Variants in TTC28 observed in about 807,000 individuals in gnomAD.
TTC28 encodes the protein tetratricopeptide repeat protein 28.
In TTC28, 61 loss-of-function variants were observed where a neutral mutation model predicts 198.0. That is an observed-to-expected ratio of 0.31 (90% CI 0.25 to 0.38). TTC28 has a LOEUF of 0.38. Among genes scored for constraint, TTC28 ranks in the 10% least tolerant of loss-of-function variants. The probability of loss-of-function intolerance (pLI) is 1.00; values close to 1 mark genes in which losing one functional copy is unlikely to be tolerated. For synonymous variants in TTC28, 1,171 were observed against 1,297.8 expected, an observed-to-expected ratio of 0.90 and a Z score of 2.10; for missense variants, 2,678 against 3,164.0, an observed-to-expected ratio of 0.85 and a Z score of 3.69.
At chr22:28,475,149 C>CA (rs386395148) in intron 2 of TTC28, among the ~76,000 whole-genome samples, 2,408 of 64,694 alleles carry the variant, frequency 0.037, 111 homozygotes, top group African/African-American at 0.054. Context: ...GACTCCATCT[C>CA]AAAAAAAAAA....
At chr22:28,136,992 C>A (rs944344902) in intron 6 of TTC28, among the ~76,000 whole-genome samples, 3 of 152,154 alleles carry the variant, frequency 2.0e-5, no homozygotes, top group Admixed American at 1.3e-4. Context: ...CTACTTTTCT[C>A]CTCACTCCTC....
intron 2 of TTC28, among the ~76,000 whole-genome samples, chr22:28,590,748 C>A (rs1330017031): frequency 6.6e-6 from 1 of 151,172 alleles, no homozygotes; most frequent in Non-Finnish European, 1.5e-5. Flanking sequence ...GTGGCTCGAG[C>A]CTATAATCCC....
chr22:28,543,884 T>A (rs1487896506), intron 2 of TTC28, among the ~76,000 whole-genome samples: 1 of 152,042 alleles, frequency 6.6e-6, no homozygotes, highest in African/African-American at 2.4e-5. Flanking sequence ...TCTAAAAAAA[T>A]AATAATACAC....
intron 12 of TTC28, among the ~76,000 whole-genome samples, chr22:28,063,825 G>A (rs188535390): frequency 3.3e-5 from 5 of 152,156 alleles, no homozygotes; most frequent in Admixed American, 1.3e-4. Flanking sequence ...AAGCCACGAG[G>A]TAGGCGTGTG....
At chr22:28,525,550 C>T (rs2048990038) in intron 2 of TTC28, among the ~76,000 whole-genome samples, 1 of 152,178 alleles carries the variant, frequency 6.6e-6, no homozygotes, top group Non-Finnish European at 1.5e-5. Flanking sequence ...ATTAAGATCA[C>T]TCTAGGGAAA....
chr22:28,661,929 G>A (rs574576142), intron 1 of TTC28, among the ~76,000 whole-genome samples: 1 of 151,584 alleles, frequency 6.6e-6, no homozygotes. Context: ...TTTAGAGACT[G>A]GGTCTCACAC....
intron 2 of TTC28, among the ~76,000 whole-genome samples, chr22:28,314,975 T>C (rs1157853848): frequency 6.6e-6 from 1 of 152,194 alleles, no homozygotes; most frequent in Non-Finnish European, 1.5e-5. Flanking sequence ...TTGTTTGCAA[T>C]ACAGTGTTTT....
intron 13 of TTC28, 64 bp downstream of exon 13, chr22:28,030,162 C>T: frequency 6.5e-7 from 1 of 1,532,124 alleles, no homozygotes; most frequent in Non-Finnish European, 8.8e-7. Flanking sequence ...CCACTGAAAG[C>T]ATATTATCTG....
chr22:28,459,265 C>A (rs1017792768), intron 2 of TTC28, among the ~76,000 whole-genome samples: 3 of 151,898 alleles, frequency 2.0e-5, no homozygotes, highest in African/African-American at 7.2e-5. Flanking sequence ...AGTCTCTACC[C>A]AACAAAATAC....
chr22:27,988,642 T>C (rs569251279), intron 21 of TTC28, among the ~76,000 whole-genome samples: 1 of 152,270 alleles, frequency 6.6e-6, no homozygotes, highest in Admixed American at 6.5e-5. Context: ...AGCTCATCCA[T>C]GTAACAGTGA....
chr22:28,212,525 A>G (rs1191367121), intron 5 of TTC28, among the ~76,000 whole-genome samples: 1 of 132,482 alleles, frequency 7.5e-6, no homozygotes, highest in Middle Eastern at 3.7e-3. Flanking sequence ...TAGAAAATCT[A>G]GAAGAAATGG....
intron 5 of TTC28, among the ~76,000 whole-genome samples, chr22:28,276,840 T>C (rs772836491): frequency 6.6e-6 from 1 of 152,184 alleles, no homozygotes; most frequent in Admixed American, 6.5e-5. Context: ...CTGATCAACA[T>C]AGTTAACTCC....
intron 6 of TTC28, among the ~76,000 whole-genome samples, chr22:28,109,149 A>T (rs1455445647): frequency 2.6e-5 from 4 of 152,264 alleles, no homozygotes; most frequent in African/African-American, 9.6e-5. Context: ...CAATACACGT[A>T]ACAACCTTCA....
intron 2 of TTC28, among the ~76,000 whole-genome samples, chr22:28,388,086 G>A (rs920933635): frequency 2.0e-4 from 31 of 152,198 alleles, no homozygotes; most frequent in African/African-American, 5.3e-4. Context: ...TCCAAGCACC[G>A]GTTATTAAAT....
intron 2 of TTC28, among the ~76,000 whole-genome samples, chr22:28,388,990 G>C (rs895759827): frequency 2.3e-4 from 35 of 152,042 alleles, no homozygotes; most frequent in African/African-American, 8.5e-4. Flanking sequence ...GTCATAGATA[G>C]CTCTTATTAT....
chr22:28,385,863 T>C (rs1569296212), intron 2 of TTC28, among the ~76,000 whole-genome samples: 1 of 152,146 alleles, frequency 6.6e-6, no homozygotes, highest in Non-Finnish European at 1.5e-5. Flanking sequence ...CTGATCACAT[T>C]CAGCATTTTC....
chr22:28,115,387 T>A (rs1942603085), intron 6 of TTC28, among the ~76,000 whole-genome samples: 1 of 152,224 alleles, frequency 6.6e-6, no homozygotes, highest in Admixed American at 6.5e-5. Flanking sequence ...AAGACAGGCA[T>A]GATTCTGTGC....
chr22:28,048,057 C>T (rs926277120), intron 12 of TTC28, among the ~76,000 whole-genome samples: 2 of 151,762 alleles, frequency 1.3e-5, no homozygotes, highest in African/African-American at 4.9e-5. Flanking sequence ...CTCTGGGGCA[C>T]GTAGCCATTC....
rs1313358829 is a variant in TTC28 at position 28,086,323 on chromosome 22, A to G, written c.3932+7757T>C. Among the ~76,000 whole-genome samples, 10 of 152,316 alleles carry G rather than the reference A, an allele frequency of 6.6e-5. No homozygotes were observed. In the East Asian group the frequency reaches 1.9e-3, roughly 29 times the overall value. ...ATTATAACAAACTGTCTCTCAGACC[A>G]CAGTGCAATCAAACTAGAACTCAGG... On this transcript the variant is annotated intron_variant, in intron 12 of 22. Coordinates refer to ENST00000397906, the MANE Select transcript of TTC28 (RefSeq NM_001145418.2).
Sources: allele counts gnomAD v4.1 joint callset (sites outside exome capture counted in the v4.1 genomes callset), GRCh38; gene constraint gnomAD v4.1.1; transcripts MANE v1.5; gene names NCBI Gene and HGNC (gene_info 2026-07-23, HGNC 2026-07-21).